Variants in ST6GALNAC3 observed in about 807,000 individuals in gnomAD.
The protein encoded by ST6GALNAC3 is alpha-N-acetylgalactosaminide alpha-2,6-sialyltransferase 3.
A neutral mutation model predicts 32.7 loss-of-function variants in ST6GALNAC3; 25 were observed. The observed-to-expected ratio is 0.76, with a 90% CI of 0.56 to 1.07. The LOEUF (loss-of-function observed/expected upper bound fraction) is 1.07, where lower values mean the gene tolerates loss of function less well. Among genes scored for constraint, ST6GALNAC3 ranks in the 50% least tolerant of loss-of-function variants. The pLI is 0.00. For synonymous variants in ST6GALNAC3, 129 were observed against 133.1 expected, an observed-to-expected ratio of 0.97 and a Z score of 0.21; for missense variants, 355 against 382.4, an observed-to-expected ratio of 0.93 and a Z score of 0.60.
chr1:76,599,109 A>T (rs1017833263), intron 3 of ST6GALNAC3, among the ~76,000 whole-genome samples: 1 of 152,054 alleles, frequency 6.6e-6, no homozygotes, highest in Non-Finnish European at 1.5e-5. Flanking sequence ...CATAAGTTTG[A>T]TAGAAGAATG....
intron 2 of ST6GALNAC3, among the ~76,000 whole-genome samples, chr1:76,362,041 G>A (rs1472730108): frequency 5.3e-5 from 8 of 151,482 alleles, no homozygotes; most frequent in Admixed American, 5.3e-4. Flanking sequence ...AAGAAAAGAG[G>A]TTTAATTGGC....
chr1:76,235,977 G>A (rs1481278557), intron 1 of ST6GALNAC3, among the ~76,000 whole-genome samples: 6 of 151,652 alleles, frequency 4.0e-5, no homozygotes, highest in African/African-American at 1.5e-4. Flanking sequence ...TTTTTTGTTT[G>A]TTTGTTTGTT....
chr1:76,308,178 GA>G (rs1661178518), intron 1 of ST6GALNAC3, among the ~76,000 whole-genome samples: 1 of 151,974 alleles, frequency 6.6e-6, no homozygotes, highest in East Asian at 1.9e-4. Flanking sequence ...GAATATTTAA[GA>G]AAAAAATATC....
Position 76,355,777 on chromosome 1 carries a change from G to C in ST6GALNAC3, c.213+41778G>C, listed in dbSNP as rs138525455. On this transcript the variant is annotated intron_variant, in intron 2 of 4. Coordinates refer to ENST00000328299, the MANE Select transcript of ST6GALNAC3 (RefSeq NM_152996.4). The stretch of plus-strand genomic sequence containing the variant: ...TTTTGGCTCTTTGTGTTGGCACATA[G>C]GCCTTTCCATTGCTGATCTGCATGA... Among the ~76,000 whole-genome samples the C allele has an allele frequency of 3.1e-4, 47 of 152,208 alleles. 1 individual carries two copies. Among genetic ancestry groups the C allele is most frequent in the African/African-American group, 1.1e-3 (44 of 41,526 alleles).
At chr1:76,279,533 C>G (rs1453657480) in intron 1 of ST6GALNAC3, among the ~76,000 whole-genome samples, 1 of 152,144 alleles carries the variant, frequency 6.6e-6, no homozygotes, top group Non-Finnish European at 1.5e-5. Context: ...GAAAGAGGAG[C>G]CTTTGTGGGA....
intron 1 of ST6GALNAC3, among the ~76,000 whole-genome samples, chr1:76,260,456 T>G (rs1238003545): frequency 6.6e-6 from 1 of 152,202 alleles, no homozygotes; most frequent in Non-Finnish European, 1.5e-5. Flanking sequence ...ATGTACAGGG[T>G]ACTGTGCTCA....
chr1:76,445,114 C>T (rs1656880899), intron 3 of ST6GALNAC3, among the ~76,000 whole-genome samples: 1 of 152,146 alleles, frequency 6.6e-6, no homozygotes, highest in African/African-American at 2.4e-5. Context: ...AGTTTTATGA[C>T]TTTGTGACAA....
chr1:76,231,107 C>G (rs994138828), intron 1 of ST6GALNAC3, among the ~76,000 whole-genome samples: 1 of 152,150 alleles, frequency 6.6e-6, no homozygotes, highest in Non-Finnish European at 1.5e-5. Flanking sequence ...TGCTTTCTCT[C>G]TCAGCTTCTT....
chr1:76,163,172 G>A (rs879373332), intron 1 of ST6GALNAC3, among the ~76,000 whole-genome samples: 1 of 152,072 alleles, frequency 6.6e-6, no homozygotes, highest in Non-Finnish European at 1.5e-5. Context: ...AAACCTTATA[G>A]TATTTTAGTC....
rs184744753 is a variant in ST6GALNAC3 at position 76,322,483 on chromosome 1, A to G, written c.213+8484A>G. ...AGAAGGTGTTTGCATTGCAGCCTGT[A>G]ATGATGATGGCTGAGTAACCATCTT... On this transcript the variant is annotated intron_variant, in intron 2 of 4. Transcript: ENST00000328299. 3.3e-5 allele frequency among the ~76,000 whole-genome samples: 5 copies of G among 152,300 alleles called. No homozygotes were observed. The East Asian group carries it at 9.6e-4, about 29-fold the overall frequency.
intron 3 of ST6GALNAC3, among the ~76,000 whole-genome samples, chr1:76,499,502 T>C (rs1661057385): frequency 6.6e-6 from 1 of 152,152 alleles, no homozygotes; most frequent in South Asian, 2.1e-4. Flanking sequence ...TTCAGGTCTT[T>C]CCCAGGTTTG....
intron 1 of ST6GALNAC3, among the ~76,000 whole-genome samples, chr1:76,289,195 T>C (rs982537489): frequency 1.3e-5 from 2 of 152,198 alleles, no homozygotes; most frequent in Non-Finnish European, 2.9e-5. Flanking sequence ...AGGTGACAGT[T>C]TCATGTGGGA....
At chr1:76,293,915 A>G (rs1432291380) in intron 1 of ST6GALNAC3, among the ~76,000 whole-genome samples, 1 of 152,120 alleles carries the variant, frequency 6.6e-6, no homozygotes, top group Non-Finnish European at 1.5e-5. Context: ...TATCATAATT[A>G]AAGAGTGGAA....
At chr1:76,538,091 C>T (rs1044562931) in intron 3 of ST6GALNAC3, among the ~76,000 whole-genome samples, 3 of 152,182 alleles carry the variant, frequency 2.0e-5, no homozygotes, top group East Asian at 1.9e-4. Flanking sequence ...GGCCAATATC[C>T]GTGATGAACA....
At chr1:76,309,856 G>T (rs1209084491) in intron 1 of ST6GALNAC3, 1 of 432,202 alleles carries the variant, frequency 2.3e-6, no homozygotes, top group African/African-American at 2.0e-5. Context: ...TCATTACTTG[G>T]TTCCCTTTGA....
At chr1:76,477,333 C>T (rs1287212242) in intron 3 of ST6GALNAC3, among the ~76,000 whole-genome samples, 1 of 152,066 alleles carries the variant, frequency 6.6e-6, no homozygotes, top group African/African-American at 2.4e-5. Context: ...TCTTAATGCC[C>T]TGAGAACACA....
intron 1 of ST6GALNAC3, among the ~76,000 whole-genome samples, chr1:76,129,353 C>T (rs1267697623): frequency 6.6e-6 from 1 of 152,140 alleles, no homozygotes; most frequent in Non-Finnish European, 1.5e-5. Context: ...TGGTTGGGTA[C>T]ACAGATTGGG....
At chr1:76,084,867 C>A (rs1319794690) in intron 1 of ST6GALNAC3, among the ~76,000 whole-genome samples, 2 of 152,140 alleles carry the variant, frequency 1.3e-5, no homozygotes, top group African/African-American at 2.4e-5. Flanking sequence ...GGGCTTTCTG[C>A]ATGTCAGGCA....
chr1:76,531,485 G>A (rs1663252406), intron 3 of ST6GALNAC3, among the ~76,000 whole-genome samples: 1 of 152,126 alleles, frequency 6.6e-6, no homozygotes, highest in Non-Finnish European at 1.5e-5. Context: ...TGGACTGCCT[G>A]GTTGTATGAC....
Sources: gnomAD v4.1 joint callset for allele counts (sites outside exome capture counted in the v4.1 genomes callset) on GRCh38, gnomAD v4.1.1 for gene constraint, MANE v1.5 for transcripts, NCBI Gene and HGNC (gene_info 2026-07-23, HGNC 2026-07-21) for gene names.